POTEJ: variants seen among roughly 807,000 people sequenced by gnomAD.
POTEJ encodes POTE ankyrin domain family member J.
POTEJ carries 11 observed loss-of-function variants against 69.0 expected under a neutral mutation model. The observed-to-expected ratio is 0.16, with a 90% CI of 0.10 to 0.26. The LOEUF (loss-of-function observed/expected upper bound fraction) is 0.26. Among genes scored for constraint, POTEJ ranks in the 10% least tolerant of loss-of-function variants. The pLI is 1.00. For missense variants in POTEJ, 327 were observed against 1,045.5 expected (o/e 0.31, Z 9.48); for synonymous variants, 117 against 381.1 (o/e 0.31, Z 8.07).
At chr2:130,628,822 C>T in intron 6 of POTEJ, among the ~76,000 whole-genome samples, 1 of 149,914 alleles carries the variant, frequency 6.7e-6, no homozygotes, top group African/African-American at 2.5e-5. Context: ...AAGATCAGGA[C>T]CATCATGGCC....
intron 10 of POTEJ, among the ~76,000 whole-genome samples, chr2:130,643,173 G>A (rs1686454771): frequency 6.8e-6 from 1 of 146,132 alleles, no homozygotes; most frequent in Non-Finnish European, 1.5e-5. Context: ...CTCAAGGAAG[G>A]AGGTACCTGT....
At chr2:130,655,582 T>C (rs1267344331) in intron 14 of POTEJ, among the ~76,000 whole-genome samples, 1 of 152,218 alleles carries the variant, frequency 6.6e-6, no homozygotes, top group Non-Finnish European at 1.5e-5. Flanking sequence ...TATTGATAAG[T>C]ATTTTCTTTC....
chr2:130,639,351 G>C (rs1274927145), intron 10 of POTEJ, among the ~76,000 whole-genome samples: 1 of 152,306 alleles, frequency 6.6e-6, no homozygotes, highest in Non-Finnish European at 1.5e-5. Flanking sequence ...GTGCCAACAA[G>C]GTCTCACTAT....
intron 13 of POTEJ, among the ~76,000 whole-genome samples, chr2:130,651,740 C>A (rs1686812103): frequency 7.1e-6 from 1 of 141,608 alleles, no homozygotes; most frequent in Non-Finnish European, 1.5e-5. Flanking sequence ...AATTCCTTTT[C>A]TTGTTCACTT....
chr2:130,618,339 C>A (rs1273970222), intron 3 of POTEJ, among the ~76,000 whole-genome samples: 1 of 152,284 alleles, frequency 6.6e-6, no homozygotes, highest in Non-Finnish European at 1.5e-5. Flanking sequence ...TAGAATTGTG[C>A]ATCCCAGTAA....
chr2:130,650,015 A>G (rs1179428852), intron 13 of POTEJ, among the ~76,000 whole-genome samples: 1 of 152,234 alleles, frequency 6.6e-6, no homozygotes, highest in Non-Finnish European at 1.5e-5. Context: ...ATGAAAAAAA[A>G]GAGAGATAAT....
intron 9 of POTEJ, among the ~76,000 whole-genome samples, chr2:130,637,380 G>A (rs1184301409): frequency 2.1e-4 from 31 of 149,852 alleles, no homozygotes; most frequent in African/African-American, 7.5e-4. Flanking sequence ...GCAGTGGCGC[G>A]ATCTCAGTTC....
At chr2:130,615,597 C>T (rs1371350756) in intron 1 of POTEJ, among the ~76,000 whole-genome samples, 1 of 140,348 alleles carries the variant, frequency 7.1e-6, no homozygotes, top group South Asian at 2.2e-4. Context: ...CACACTGGGG[C>T]CTATCAGAGG....
chr2:130,655,523 A>G (rs1463092720), intron 14 of POTEJ, among the ~76,000 whole-genome samples: 22 of 152,006 alleles, frequency 1.4e-4, no homozygotes, highest in African/African-American at 5.1e-4. Context: ...TTTCAATGTA[A>G]AGAGGTTTGA....
At chr2:130,613,090 G>A (rs1465090554) in intron 1 of POTEJ, among the ~76,000 whole-genome samples, 1 of 135,340 alleles carries the variant, frequency 7.4e-6, no homozygotes, top group Non-Finnish European at 1.6e-5. Flanking sequence ...AAAAAAGATG[G>A]ATTGTTCATA....
chr2:130,637,732 C>A (rs1228999201), intron 9 of POTEJ, among the ~76,000 whole-genome samples: 28 of 152,186 alleles, frequency 1.8e-4, no homozygotes, highest in African/African-American at 2.7e-4. Context: ...CTTCGTGGAA[C>A]CTAAAAAAAA....
intron 9 of POTEJ, among the ~76,000 whole-genome samples, chr2:130,637,722 C>T (rs1235829007): frequency 1.3e-5 from 2 of 152,270 alleles, no homozygotes; most frequent in Non-Finnish European, 2.9e-5. Flanking sequence ...CTTGCAACTT[C>T]TTCGTGGAAC....
chr2:130,624,979 C>T (rs1186748439), intron 6 of POTEJ, among the ~76,000 whole-genome samples: 3 of 152,034 alleles, frequency 2.0e-5, no homozygotes, highest in Non-Finnish European at 2.9e-5. Context: ...AATTGCCCAA[C>T]TCTAGGCTCA....
intron 10 of POTEJ, among the ~76,000 whole-genome samples, chr2:130,639,434 C>T (rs1279151274): frequency 6.6e-6 from 1 of 152,412 alleles, no homozygotes; most frequent in South Asian, 2.1e-4. Flanking sequence ...TGTGTTCTTC[C>T]ACCGGCTGGT....
intron 1 of POTEJ, among the ~76,000 whole-genome samples, chr2:130,612,731 C>A (rs1258790318): frequency 7.5e-6 from 1 of 133,644 alleles, no homozygotes; most frequent in Admixed American, 7.7e-5. Context: ...CCACCGCACT[C>A]CAGCCTGGGA....
Position 130,631,985 on chromosome 2 carries a change from A to C in POTEJ, c.1132-505A>C, listed in dbSNP as rs1469207907. On this transcript the variant is annotated intron_variant, in intron 8 of 14. Coordinates refer to ENST00000409602, the MANE Select transcript of POTEJ (RefSeq NM_001277083.2). The stretch of plus-strand genomic sequence containing the variant: ...GCAACCAAATGAAAAAAGAATGCTC[A>C]AAGGCAGTGGGGGAGAAGAATATCT... Among the ~76,000 whole-genome samples the C allele has an allele frequency of 2.1e-5, 3 of 143,802 alleles. 1 individual carries two copies. Among genetic ancestry groups the C allele is most frequent in the Non-Finnish European group, 4.5e-5 (3 of 65,946 alleles). 94.3% of individuals were successfully genotyped at this position (143,802 alleles called of 152,430 possible).
chr2:130,625,451 G>A (rs1463440885), intron 6 of POTEJ, among the ~76,000 whole-genome samples: 1 of 151,920 alleles, frequency 6.6e-6, no homozygotes, highest in Non-Finnish European at 1.5e-5. Flanking sequence ...CCCACTGGAA[G>A]CTTATAATTA....
intron 10 of POTEJ, among the ~76,000 whole-genome samples, chr2:130,639,424 T>C (rs1441799830): frequency 5.2e-4 from 80 of 152,386 alleles, no homozygotes; most frequent in Non-Finnish European, 8.4e-4. Flanking sequence ...TGGAACAAGA[T>C]GTGTTCTTCC....
At position 130,657,952 on chromosome 2, in the gene POTEJ, A is replaced by T. The variant is rs1203079213; in HGVS notation, c.*75A>T. 4.9e-6 allele frequency: 2 copies of T among 406,978 alleles called. No individual in the cohort carries two copies. Among genetic ancestry groups the T allele is most frequent in the East Asian group, 6.9e-5 (2 of 29,056 alleles). The allele number at this position is 406,978 out of a possible 1,614,324, so 25.2% of individuals were successfully genotyped here. The stretch of plus-strand genomic sequence containing the variant: ...TCTCAGAAAACAACATGAGATTGGC[A>T]TGGCTTTATTTGTTTTCTTGTTTCA... On this transcript the variant is annotated 3_prime_UTR_variant, in exon 15 of 15. Transcript: ENST00000409602.
Sources: gnomAD v4.1 joint callset for allele counts (sites outside exome capture counted in the v4.1 genomes callset) on GRCh38, gnomAD v4.1.1 for gene constraint, MANE v1.5 for transcripts, NCBI Gene and HGNC (gene_info 2026-07-23, HGNC 2026-07-21) for gene names.